Variants in ZNF821 observed in about 807,000 individuals in gnomAD.
The protein encoded by ZNF821 is zinc finger protein 821.
Under a neutral mutation model 44.3 loss-of-function variants are expected in ZNF821, and 16 were observed. The observed-to-expected ratio is 0.36, with a 90% CI of 0.24 to 0.55. The LOEUF (loss-of-function observed/expected upper bound fraction) is 0.55. Ranked by LOEUF, ZNF821 falls within the 20% of genes least tolerant of loss-of-function variation. The pLI, the probability that ZNF821 is intolerant of heterozygous loss-of-function variation, is 0.86. For synonymous variants in ZNF821, 204 were observed against 197.6 expected, an observed-to-expected ratio of 1.03 and a Z score of -0.27; for missense variants, 436 against 547.6, an observed-to-expected ratio of 0.80 and a Z score of 2.03.
intron 3 of ZNF821, among the ~76,000 whole-genome samples, chr16:71,875,170 C>T (rs1252888760): frequency 1.3e-5 from 2 of 152,214 alleles, no homozygotes; most frequent in Admixed American, 1.3e-4. Context: ...CAAAGTCCCA[C>T]CTACTCCACC....
Position 71,860,025 on chromosome 16 carries a change from A to G in ZNF821, c.1232T>C (p.Leu411Pro), listed in dbSNP as rs1476161964. 6.2e-7 allele frequency: 1 copy of G among 1,601,778 alleles called. No individual in the cohort carries two copies. The highest frequency in any genetic ancestry group is 1.7e-5 in the Admixed American group (1 of 59,324). The change falls in exon 8 of 8, where the codon CTG becomes CCG. Residue 411 changes from leucine (L) to proline (P), a missense_variant. Physicochemically the swap from Leu to Pro is moderately conservative, Grantham distance 98 (BLOSUM62 -3). This residue lies in a region of ZNF821 where 55 missense variants were observed against 56.9 expected (regional missense o/e 0.97). Coordinates refer to ENST00000425432, the MANE Select transcript of ZNF821 (RefSeq NM_001201552.2). This position sits in a 1 kb window ranked among gnomAD's most constrained non-coding sequence, Gnocchi z 7.3. ...CAGGCAGGAGGGTGTGGTTCAGTGC[A>G]GAGAGCTGCTGTTCTGCTCTTCAAA... Reference protein sequence around the residue: ...MAFEEQNSSSLH With the variant: ...MAFEEQNSSSPH
intron 6 of ZNF821, among the ~76,000 whole-genome samples, chr16:71,863,469 C>T (rs184714056): frequency 1.3e-5 from 2 of 149,330 alleles, no homozygotes; most frequent in African/African-American, 2.5e-5. Flanking sequence ...TCACTGCAGC[C>T]TCAACCTCCT....
chr16:71,864,843 C>A, intron 5 of ZNF821, 60 bp downstream of exon 5: 1 of 1,601,586 alleles, frequency 6.2e-7, no homozygotes, highest in South Asian at 1.1e-5. Context: ...TGAGCAGCAT[C>A]AGGGCAGGCA....
Position 71,860,856 on chromosome 16 carries a change from CTT to C in ZNF821, c.585-186_585-185del, listed in dbSNP as rs36005705. Among the ~76,000 whole-genome samples the C allele has an allele frequency of 8.1e-5, 11 of 135,936 alleles. No homozygotes were observed. The highest frequency in any genetic ancestry group is 1.5e-4 in the Admixed American group (2 of 13,408). The allele number at this position is 135,936 out of a possible 152,430, so 89.2% of individuals were successfully genotyped here. A position where few individuals can be genotyped will look rare whatever the true frequency, so the allele number is the denominator to read the frequency against. On this transcript the variant is annotated intron_variant, in intron 7 of 7. Transcript: ENST00000425432. The surrounding 1 kb of genome is among the most constrained non-coding windows in gnomAD (Gnocchi z 7.3). ...TCTTCGCGTGAGAGTTGTCTACCAA[CTT>C]TTTTTTTTTTTTTTTGAGACAGAGT...
intron 6 of ZNF821, among the ~76,000 whole-genome samples, chr16:71,863,199 G>A (rs751449216): frequency 1.3e-5 from 2 of 151,852 alleles, no homozygotes; most frequent in Non-Finnish European, 2.9e-5. Context: ...CCTGGCCCAT[G>A]TTAACTAATT....
rs1555500248 is a variant in ZNF821, at chr16:71,863,421, T to TAA, written c.417+715_417+716dup. Among the ~76,000 whole-genome samples, 3 of 144,522 alleles carry TAA rather than the reference T, an allele frequency of 2.1e-5. No homozygotes were observed. In the South Asian group the frequency reaches 6.8e-4, roughly 33 times the overall value. The allele number at this position is 144,522 out of a possible 152,430, so 94.8% of individuals were successfully genotyped here. A position where few individuals can be genotyped will look rare whatever the true frequency, so the allele number is the denominator to read the frequency against. ...AATCTCTTTTTTTTTTTTTTTTTTT[T>TAA]AATACAGTCTCACTCTGTCACCCTA... On this transcript the variant is annotated intron_variant, in intron 6 of 7. Coordinates refer to ENST00000425432, the MANE Select transcript of ZNF821 (RefSeq NM_001201552.2).
chr16:71,876,721 C>A (rs2035861948), intron 3 of ZNF821, among the ~76,000 whole-genome samples: 1 of 152,176 alleles, frequency 6.6e-6, no homozygotes, highest in South Asian at 2.1e-4. Context: ...GATCCTCCCA[C>A]CTCTGTCTCC....
At chr16:71,887,191 A>G (rs1361908999), upstream of ZNF821, among the ~76,000 whole-genome samples, 1 of 151,096 alleles carries the variant, frequency 6.6e-6, no homozygotes, top group African/African-American at 2.4e-5. Flanking sequence ...TACATTATGT[A>G]TGGACATGGG....
intron 1 of ZNF821, among the ~76,000 whole-genome samples, chr16:71,893,558 C>G (rs1163227896): frequency 6.6e-6 from 1 of 151,494 alleles, no homozygotes; most frequent in Non-Finnish European, 1.5e-5. Context: ...CTCCCAGGTT[C>G]AAGCGATTCT....
chr16:71,894,720 G>A, intron 1 of ZNF821: 5 of 393,222 alleles, frequency 1.3e-5, no homozygotes, highest in South Asian at 1.4e-4. Context: ...TTTTTTTGTA[G>A]CGATGCGGTT....
chr16:71,878,163 G>C (rs921252871), intron 3 of ZNF821, among the ~76,000 whole-genome samples: 9 of 144,908 alleles, frequency 6.2e-5, no homozygotes, highest in Non-Finnish European at 1.0e-4. Context: ...GCTGGAGTCA[G>C]TGACACGATC....
rs763194337 is a variant in ZNF821 at position 71,860,079 on chromosome 16, A to G, written c.1178T>C (p.Leu393Ser). 1 of 1,614,122 alleles carries G rather than the reference A, an allele frequency of 6.2e-7. No homozygotes were observed. The change falls in exon 8 of 8, where the codon TTG (leucine) becomes TCG (serine). Residue 393 changes from leucine (L) to serine (S), a missense_variant. By Grantham distance (145) the Leu-to-Ser change is moderately radical. Coordinates refer to ENST00000425432, the MANE Select transcript of ZNF821 (RefSeq NM_001201552.2). This position sits in a 1 kb window ranked among gnomAD's most constrained non-coding sequence, Gnocchi z 7.3. ...FFQLPVSGVE[L>S]DSQLLGKMAF... is the part of the protein sequence containing the mutation. ...CATCTTGCCCAGAAGCTGGCTGTCCAACTCCACCCCACTTACAGGCAGCTG... is the reference window on the plus strand; with the variant it reads ...CATCTTGCCCAGAAGCTGGCTGTCCGACTCCACCCCACTTACAGGCAGCTG...
intron 1 of ZNF821, among the ~76,000 whole-genome samples, chr16:71,891,756 T>C (rs2036886834): frequency 6.6e-6 from 1 of 152,070 alleles, no homozygotes; most frequent in Non-Finnish European, 1.5e-5. Flanking sequence ...ACGCCTTTAA[T>C]CCCAGCACTT....
chr16:71,879,732 CAT>C, intron 3 of ZNF821, 173 bp downstream of exon 3: 2 of 716,286 alleles, frequency 2.8e-6, no homozygotes, highest in South Asian at 4.2e-5. Context: ...CCATTTCCAA[CAT>C]TTTTAACCCT....
At chr16:71,861,202 G>A (rs1034627086) in intron 7 of ZNF821, among the ~76,000 whole-genome samples, 2 of 152,202 alleles carry the variant, frequency 1.3e-5, no homozygotes, top group Non-Finnish European at 2.9e-5. Flanking sequence ...TGAGCCACCT[G>A]CCACAGCAAT....
chr16:71,880,102 A>G (rs1156771966), intron 2 of ZNF821, 79 bp from the exon 3 acceptor site: 1 of 620,184 alleles, frequency 1.6e-6, no homozygotes, highest in Non-Finnish European at 2.7e-6. Context: ...AATGTCCTTA[A>G]AAAACAGCTC....
At position 71,859,824 on chromosome 16, in the gene ZNF821, G is replaced by A. The variant is rs12285; in HGVS notation, c.*194C>T. 9.4e-6 allele frequency: 6 copies of A among 641,234 alleles called. No individual in the cohort carries two copies. The highest frequency in any genetic ancestry group is 9.2e-5 in the African/African-American group (5 of 54,636). The allele number at this position is 641,234 out of a possible 1,614,324, so 39.7% of individuals were successfully genotyped here. On this transcript the variant is annotated 3_prime_UTR_variant, in exon 8 of 8. Transcript: ENST00000425432. Reference sequence around the variant, plus strand: ...CTGCTCCCTTGTCCAGAGCTGCCTTGAGCCAGGTCCCTCCTGACCCCATCA... The same window carrying A: ...CTGCTCCCTTGTCCAGAGCTGCCTTAAGCCAGGTCCCTCCTGACCCCATCA...
chr16:71,882,693 AACAAAAACACCC>A, intron 2 of ZNF821, among the ~76,000 whole-genome samples: 1 of 152,318 alleles, frequency 6.6e-6, no homozygotes, highest in Middle Eastern at 3.4e-3. Context: ...CGAAAATAAT[AACAAAAACACCC>A]ACAAAAACAG....
rs1470761798 is a variant in ZNF821 at position 71,860,549 on chromosome 16, A to G, written c.708T>C (p.Leu236=). 1 of 1,614,088 alleles carries G rather than the reference A, an allele frequency of 6.2e-7. No individual in the cohort carries two copies. ...GGTAGGCAGCACAGTTGTTGCACACAAGCAGAATTCCAGCAGGGTACACTG... is the reference window on the plus strand; with the variant it reads ...GGTAGGCAGCACAGTTGTTGCACACGAGCAGAATTCCAGCAGGGTACACTG... ...SPPVYPAGIL[L]VCNNCAAYRK... The change falls in exon 8 of 8, where the codon CTT becomes CTC. Residue 236 remains leucine, a synonymous_variant. Coordinates refer to ENST00000425432, the MANE Select transcript of ZNF821 (RefSeq NM_001201552.2). This position sits in a 1 kb window ranked among gnomAD's most constrained non-coding sequence, Gnocchi z 7.3.
Sources: allele counts gnomAD v4.1 joint callset (sites outside exome capture counted in the v4.1 genomes callset), GRCh38; gene constraint gnomAD v4.1.1; regional missense constraint gnomAD v4.1.1; non-coding constraint Gnocchi (gnomAD v3.1); transcripts MANE v1.5; gene names NCBI Gene and HGNC (gene_info 2026-07-23, HGNC 2026-07-21).